The following KLF12 variants were observed in gnomAD, a reference collection of about 807,000 sequenced individuals.
The protein encoded by KLF12 is Krueppel-like factor 12.
In KLF12, 9 loss-of-function variants were observed where a neutral mutation model predicts 37.8. The ratio of observed to expected loss-of-function variants is 0.24; its 90% CI spans 0.14 to 0.42. The LOEUF (loss-of-function observed/expected upper bound fraction) is 0.42. Ranked by LOEUF, KLF12 falls within the 10% of genes least tolerant of loss-of-function variation. KLF12 has a pLI of 1.00. For synonymous variants in KLF12, 208 were observed against 202.1 expected (o/e 1.03, Z -0.25); for missense variants, 411 against 516.0 (o/e 0.80, Z 1.97).
At chr13:74,099,229 C>T (rs935637414) in intron 1 of KLF12, among the ~76,000 whole-genome samples, 1 of 151,984 alleles carries the variant, frequency 6.6e-6, no homozygotes, top group African/African-American at 2.4e-5. Context: ...CTCCTGTGAT[C>T]CCATCTACTA....
chr13:74,087,321 A>G (rs571957102), intron 1 of KLF12, among the ~76,000 whole-genome samples: 33 of 151,834 alleles, frequency 2.2e-4, no homozygotes, highest in Non-Finnish European at 3.1e-4. Context: ...GAGACAAGAC[A>G]GAAGGGTTTA....
chr13:74,011,787 T>C (rs1892557737), intron 1 of KLF12, among the ~76,000 whole-genome samples: 2 of 152,228 alleles, frequency 1.3e-5, no homozygotes, highest in African/African-American at 4.8e-5. Flanking sequence ...TCTGTGGATT[T>C]TGGCATCAGA....
chr13:73,957,072 AAAGGAAAGGAAAGGAAAGGAAAGGAAAGG>A, intron 2 of KLF12, among the ~76,000 whole-genome samples: 2 of 141,888 alleles, frequency 1.4e-5, no homozygotes, highest in African/African-American at 5.1e-5. Flanking sequence ...AAAGGAAAGG[AAAGGAAAGGAAAGGAAAGGAAAGGAAAGG>A]AAAGAAAGGA....
intron 3 of KLF12, among the ~76,000 whole-genome samples, chr13:73,929,583 C>A (rs990686216): frequency 1.3e-5 from 2 of 152,180 alleles, no homozygotes; most frequent in African/African-American, 4.8e-5. Context: ...GATAGAGACA[C>A]TTTTTCAAAT....
chr13:73,999,664 C>T (rs984135435), intron 1 of KLF12, among the ~76,000 whole-genome samples: 8 of 152,072 alleles, frequency 5.3e-5, no homozygotes, highest in Non-Finnish European at 7.4e-5. Flanking sequence ...GGTGTGAACC[C>T]GTGAGGCACA....
chr13:73,776,870 T>G (rs1192202413), intron 5 of KLF12, among the ~76,000 whole-genome samples: 7 of 152,110 alleles, frequency 4.6e-5, no homozygotes, highest in African/African-American at 1.7e-4. Context: ...AGGAAGGAAC[T>G]GATTAAAATG....
chr13:73,971,751 T>C (rs28405082), intron 2 of KLF12, among the ~76,000 whole-genome samples: 7,322 of 152,256 alleles, frequency 0.048, 377 homozygotes, highest in African/African-American at 0.13. Flanking sequence ...GCTAACAGGC[T>C]CGGCACAATG....
At chr13:73,883,096 T>C (rs901473411) in intron 3 of KLF12, among the ~76,000 whole-genome samples, 1 of 152,184 alleles carries the variant, frequency 6.6e-6, no homozygotes, top group Non-Finnish European at 1.5e-5. Context: ...ATTACTATCA[T>C]TAAAATCAAT....
At chr13:73,733,791 G>T (rs1877246956) in intron 6 of KLF12, among the ~76,000 whole-genome samples, 2 of 152,118 alleles carry the variant, frequency 1.3e-5, no homozygotes, top group Admixed American at 1.3e-4. Context: ...AAGCACAAGG[G>T]TTCCAATTTT....
At chr13:74,046,287 A>G (rs1459927329) in intron 1 of KLF12, among the ~76,000 whole-genome samples, 3 of 152,182 alleles carry the variant, frequency 2.0e-5, no homozygotes, top group Non-Finnish European at 2.9e-5. Flanking sequence ...CCATCTTCTC[A>G]ATTTTCCTGC....
At chr13:73,911,166 T>G (rs1207030165) in intron 3 of KLF12, among the ~76,000 whole-genome samples, 1 of 152,246 alleles carries the variant, frequency 6.6e-6, no homozygotes, top group Non-Finnish European at 1.5e-5. Context: ...TTAGTCATTC[T>G]ATACTGTGTG....
chr13:74,268,731 A>G, the KLF12 span, among the ~76,000 whole-genome samples: 4 of 152,214 alleles, frequency 2.6e-5, 1 homozygote, highest in South Asian at 6.2e-4. Context: ...ACAGCTCATA[A>G]TGTGCCCTAG....
chr13:74,288,245 T>G, the KLF12 span, among the ~76,000 whole-genome samples: 1 of 152,136 alleles, frequency 6.6e-6, no homozygotes, highest in African/African-American at 2.4e-5. Flanking sequence ...GGCAAATAAT[T>G]AAATTATTCG....
At chr13:73,872,986 T>A (rs1438155408) in intron 3 of KLF12, among the ~76,000 whole-genome samples, 2 of 152,176 alleles carry the variant, frequency 1.3e-5, no homozygotes, top group East Asian at 3.8e-4. Flanking sequence ...ATTTGTGGTA[T>A]AAATGAGTGA....
At chr13:73,789,864 G>C (rs1401381486) in intron 5 of KLF12, among the ~76,000 whole-genome samples, 1 of 152,050 alleles carries the variant, frequency 6.6e-6, no homozygotes, top group African/African-American at 2.4e-5. Context: ...TTTTAGTAGA[G>C]ACGGGGTTTC....
the KLF12 span, among the ~76,000 whole-genome samples, chr13:74,281,813 A>G: frequency 6.6e-6 from 1 of 152,176 alleles, no homozygotes; most frequent in African/African-American, 2.4e-5. Context: ...ATCTCTCACA[A>G]TAGTTTGAAA....
At chr13:74,180,585 T>G in the KLF12 span, among the ~76,000 whole-genome samples, 1 of 152,156 alleles carries the variant, frequency 6.6e-6, no homozygotes, top group African/African-American at 2.4e-5. Flanking sequence ...TCTTCTAAAC[T>G]CTAATGACTT....
At chr13:73,795,960 C>A (rs938373466) in intron 5 of KLF12, among the ~76,000 whole-genome samples, 2 of 152,124 alleles carry the variant, frequency 1.3e-5, no homozygotes, top group Admixed American at 1.3e-4. Flanking sequence ...ATAAAAATAA[C>A]TCTGGCATAT....
intron 3 of KLF12, among the ~76,000 whole-genome samples, chr13:73,877,201 T>C (rs568345484): frequency 6.6e-6 from 1 of 152,274 alleles, no homozygotes; most frequent in South Asian, 2.1e-4. Context: ...ACTCCCAATG[T>C]CCTCTCCAAA....
Sources: gnomAD v4.1 joint callset for allele counts (sites outside exome capture counted in the v4.1 genomes callset) on GRCh38, gnomAD v4.1.1 for gene constraint, MANE v1.5 for transcripts, NCBI Gene and HGNC (gene_info 2026-07-23, HGNC 2026-07-21) for gene names.